CNTN4: variants seen among roughly 807,000 people sequenced by gnomAD.
CNTN4 encodes the protein contactin 4, also known as contactin-4.
CNTN4 carries 77 observed loss-of-function variants against 122.5 expected under a neutral mutation model. The ratio of observed to expected loss-of-function variants is 0.63; its 90% CI spans 0.52 to 0.76. The LOEUF (loss-of-function observed/expected upper bound fraction) is 0.76, where lower values mean the gene tolerates loss of function less well. Ranked by LOEUF, CNTN4 falls within the 30% of genes least tolerant of loss-of-function variation. The pLI, the probability that CNTN4 is intolerant of heterozygous loss-of-function variation, is 0.00. For missense variants in CNTN4, 1,256 were observed against 1,259.1 expected (o/e 1.00, Z 0.04); for synonymous variants, 512 against 447.0 (o/e 1.15, Z -1.83).
chr3:2,846,712 TC>T (rs2093462828), intron 7 of CNTN4, among the ~76,000 whole-genome samples: 1 of 152,230 alleles, frequency 6.6e-6, no homozygotes, highest in Non-Finnish European at 1.5e-5. Context: ...TGATTTTTAT[TC>T]CCAAACCAGT....
intron 3 of CNTN4, among the ~76,000 whole-genome samples, chr3:2,369,814 G>A (rs1013911840): frequency 6.6e-5 from 10 of 152,112 alleles, no homozygotes; most frequent in African/African-American, 4.8e-5. Context: ...CAGTTGCATT[G>A]ATTTAGAACC....
At chr3:2,968,014 G>A (rs1444004147) in intron 13 of CNTN4, among the ~76,000 whole-genome samples, 3 of 152,118 alleles carry the variant, frequency 2.0e-5, no homozygotes, top group African/African-American at 4.8e-5. Context: ...AGGGAAGTCT[G>A]CCTTATCTCA....
At chr3:2,143,217 A>G (rs958627304) in intron 2 of CNTN4, among the ~76,000 whole-genome samples, 2 of 152,184 alleles carry the variant, frequency 1.3e-5, no homozygotes, top group African/African-American at 4.8e-5. Flanking sequence ...AGAATTAACC[A>G]TGACCAGATC....
chr3:2,146,304 G>A (rs568197478), intron 2 of CNTN4, among the ~76,000 whole-genome samples: 1 of 150,740 alleles, frequency 6.6e-6, no homozygotes, highest in African/African-American at 2.4e-5. Flanking sequence ...ACAAATTGAA[G>A]TATTTTTGAT....
intron 13 of CNTN4, among the ~76,000 whole-genome samples, chr3:2,981,258 C>A (rs1693953510): frequency 6.6e-6 from 1 of 152,026 alleles, no homozygotes; most frequent in Non-Finnish European, 1.5e-5. Context: ...TCCTGGCTAA[C>A]ACAGTGAAAC....
chr3:2,877,774 C>T (rs1371014890), intron 8 of CNTN4, among the ~76,000 whole-genome samples: 5 of 152,078 alleles, frequency 3.3e-5, no homozygotes, highest in Non-Finnish European at 5.9e-5. Flanking sequence ...ATTGCAAAAG[C>T]GTACAGGTGG....
intron 12 of CNTN4, among the ~76,000 whole-genome samples, chr3:2,904,438 G>A (rs145283765): frequency 1.4e-3 from 215 of 152,302 alleles, no homozygotes; most frequent in African/African-American, 4.7e-3. Flanking sequence ...CACTAAGTTC[G>A]TTAGCACTGA....
intron 3 of CNTN4, among the ~76,000 whole-genome samples, chr3:2,350,124 G>T (rs981582258): frequency 6.6e-6 from 1 of 152,134 alleles, no homozygotes; most frequent in African/African-American, 2.4e-5. Flanking sequence ...TGAAATAAAA[G>T]ATTAGAGATA....
At chr3:2,619,292 T>C (rs1452458925) in intron 4 of CNTN4, among the ~76,000 whole-genome samples, 4 of 152,256 alleles carry the variant, frequency 2.6e-5, no homozygotes, top group Non-Finnish European at 4.4e-5. Flanking sequence ...GTTCCTGGGC[T>C]CTTGCTACCA....
intron 4 of CNTN4, among the ~76,000 whole-genome samples, chr3:2,608,207 T>C (rs2081338932): frequency 6.6e-6 from 1 of 152,214 alleles, no homozygotes; most frequent in Non-Finnish European, 1.5e-5. Context: ...TAAACATGTG[T>C]GCTCCAAGTT....
chr3:2,202,435 C>A lies in CNTN4; in HGVS notation c.-145+101796C>A, dbSNP rs528685305. 5.9e-5 allele frequency among the ~76,000 whole-genome samples: 9 copies of A among 152,048 alleles called. No homozygotes were observed. The South Asian group carries it at 1.2e-3, about 21-fold the overall frequency. Reference sequence around the variant, plus strand: ...TGGGCAAGTCATTTACCTTGAATTTCAGCTTAGAGGCAGGATTGTTAAAAT... The same window carrying A: ...TGGGCAAGTCATTTACCTTGAATTTAAGCTTAGAGGCAGGATTGTTAAAAT... On this transcript the variant is annotated intron_variant, in intron 2 of 24. Transcript: ENST00000418658.
At chr3:2,375,823 A>G (rs149697318) in intron 3 of CNTN4, among the ~76,000 whole-genome samples, 73 of 152,210 alleles carry the variant, frequency 4.8e-4, no homozygotes, top group African/African-American at 1.6e-3. Flanking sequence ...TAAATCATCC[A>G]TGCCTCTGAA....
intron 3 of CNTN4, among the ~76,000 whole-genome samples, chr3:2,466,095 A>C (rs1379093144): frequency 6.6e-6 from 1 of 152,214 alleles, no homozygotes; most frequent in Non-Finnish European, 1.5e-5. Context: ...ACATGAAGCC[A>C]TCAGAACATA....
chr3:2,441,496 G>A (rs2151287340), intron 3 of CNTN4, among the ~76,000 whole-genome samples: 1 of 152,326 alleles, frequency 6.6e-6, no homozygotes, highest in Middle Eastern at 3.4e-3. Context: ...TGAAGATAAA[G>A]TATAACCTTT....
chr3:2,552,861 G>A (rs1393658725), intron 3 of CNTN4, among the ~76,000 whole-genome samples: 1 of 152,182 alleles, frequency 6.6e-6, no homozygotes, highest in African/African-American at 2.4e-5. Context: ...AAATTTGACT[G>A]CAGATGGTCT....
intron 14 of CNTN4, among the ~76,000 whole-genome samples, chr3:3,014,213 T>C (rs1293425404): frequency 6.6e-6 from 1 of 152,214 alleles, no homozygotes; most frequent in Non-Finnish European, 1.5e-5. Flanking sequence ...CTTAATCTCT[T>C]TCTGAAGTAT....
intron 7 of CNTN4, among the ~76,000 whole-genome samples, chr3:2,827,670 A>G (rs1040465304): frequency 6.6e-6 from 1 of 152,214 alleles, no homozygotes; most frequent in Non-Finnish European, 1.5e-5. Flanking sequence ...GCTATTAAAG[A>G]CTTTACAGTT....
intron 13 of CNTN4, among the ~76,000 whole-genome samples, chr3:2,940,466 G>A (rs1180617387): frequency 6.6e-6 from 1 of 152,224 alleles, no homozygotes; most frequent in Non-Finnish European, 1.5e-5. Context: ...GCAGGTGTTA[G>A]GTAAGGAATC....
intron 4 of CNTN4, among the ~76,000 whole-genome samples, chr3:2,573,803 C>G (rs2079534731): frequency 6.6e-6 from 1 of 152,188 alleles, no homozygotes; most frequent in African/African-American, 2.4e-5. Context: ...TTAATATTCT[C>G]TTACCATATG....
Sources: gnomAD v4.1 joint callset for allele counts (sites outside exome capture counted in the v4.1 genomes callset) on GRCh38, gnomAD v4.1.1 for gene constraint, MANE v1.5 for transcripts, NCBI Gene and HGNC (gene_info 2026-07-23, HGNC 2026-07-21) for gene names.